The following USP9X variants were observed in gnomAD, a reference collection of about 807,000 sequenced individuals.
The protein encoded by USP9X is ubiquitin specific peptidase 9 X-linked.
A neutral mutation model predicts 190.3 loss-of-function variants in USP9X; 7 were observed. That is an observed-to-expected ratio of 0.04 (90% confidence interval 0.02 to 0.07). The LOEUF (loss-of-function observed/expected upper bound fraction) is 0.07, where lower values mean the gene tolerates loss of function less well. Among genes scored for constraint, USP9X ranks in the 10% least tolerant of loss-of-function variants. The pLI is 1.00. For missense variants in USP9X, 1,010 were observed against 1,916.9 expected (o/e 0.53, Z 8.83); for synonymous variants, 645 against 659.5 (o/e 0.98, Z 0.34).
At chrX:41,161,028 T>A (rs1601984004) in intron 14 of USP9X, among the ~76,000 whole-genome samples, 1 of 111,353 alleles carries the variant, frequency 9.0e-6, no homozygotes, top group East Asian at 2.8e-4. Flanking sequence ...CTAAGTAACC[T>A]ATAGTGCAGT....
Position 41,186,510 on chromosome X carries a change from T to A in USP9X, c.3559-7T>A. The A allele has an allele frequency of 8.3e-7, 1 of 1,210,895 alleles. No individual in the cohort carries two copies. The highest frequency in any genetic ancestry group is 1.1e-6 in the Non-Finnish European group (1 of 894,920). On this transcript the variant is annotated splice_polypyrimidine_tract_variant and splice_region_variant and intron_variant, in intron 23 of 44. Transcript: ENST00000378308. ...TTACTCCAAATAAAATGGTTAACTT[T>A]TTTCAGATCAACCAAGTTACCCATG... is the stretch of plus-strand genomic sequence containing the variant.
At chrX:41,110,083 G>T (rs57883720) in intron 1 of USP9X, among the ~76,000 whole-genome samples, 1 of 110,862 alleles carries the variant, frequency 9.0e-6, no homozygotes, top group African/African-American at 3.3e-5. Context: ...ACTCCTGCCT[G>T]TTTGAGAAGG....
At chrX:41,173,683 ATAGTTCAAACT>A (rs1351209300) in intron 21 of USP9X, among the ~76,000 whole-genome samples, 1 of 112,216 alleles carries the variant, frequency 8.9e-6, no homozygotes, top group African/African-American at 3.2e-5. Context: ...GCAAAAAGAT[ATAGTTCAAACT>A]CAGATATAGT....
chrX:41,180,110 C>A (rs1244098067), intron 21 of USP9X, among the ~76,000 whole-genome samples: 2 of 111,860 alleles, frequency 1.8e-5, no homozygotes, highest in African/African-American at 6.5e-5. Flanking sequence ...GCTTTTATTA[C>A]CTCCATTTTC....
intron 44 of USP9X, among the ~76,000 whole-genome samples, 198 bp downstream of exon 44, chrX:41,230,794 G>A (rs1041528889): frequency 9.0e-6 from 1 of 111,391 alleles, no homozygotes; most frequent in Non-Finnish European, 1.9e-5. Context: ...CCACTGTAGG[G>A]TTTTCCTTGT....
intron 1 of USP9X, among the ~76,000 whole-genome samples, chrX:41,112,362 A>G (rs1245267392): frequency 8.9e-6 from 1 of 112,203 alleles, no homozygotes; most frequent in Non-Finnish European, 1.9e-5. Context: ...GAGAACCTTC[A>G]TGGTATAGTT....
At chrX:41,149,986 A>T (rs911626105) in intron 12 of USP9X, among the ~76,000 whole-genome samples, 21 of 111,507 alleles carry the variant, frequency 1.9e-4, no homozygotes, top group Non-Finnish European at 3.0e-4. Flanking sequence ...GATTACAGGC[A>T]TGAGCCACAG....
In USP9X at chrX:41,189,333, T is replaced by A. The variant is rs746792967; in HGVS notation, c.3835T>A (p.Leu1279Met). ...GACCAATGCAGGCAATGAGCCAGACTTGGAAGACGAACAGGTTTGCTGTGA... is the reference window on the plus strand; with the variant it reads ...GACCAATGCAGGCAATGAGCCAGACATGGAAGACGAACAGGTTTGCTGTGA... ...EKTNAGNEPDLEDEQVCCEAL... is the reference protein window; with the variant it reads ...EKTNAGNEPDMEDEQVCCEAL... The change falls in exon 26 of 45, where the codon TTG becomes ATG. Residue 1279 changes from leucine (L) to methionine (M), a missense_variant. Leu to Met is a conservative substitution (Grantham distance 15, BLOSUM62 2). This residue lies in a region of USP9X where 351 missense variants were observed against 480.8 expected (regional missense o/e 0.73). Coordinates refer to ENST00000378308, the MANE Select transcript of USP9X (RefSeq NM_001039591.3). 1 of 1,210,892 alleles carries A rather than the reference T, an allele frequency of 8.3e-7. No individual in the cohort carries two copies. Among genetic ancestry groups the A allele is most frequent in the South Asian group, 1.8e-5 (1 of 56,762 alleles).
intron 1 of USP9X, among the ~76,000 whole-genome samples, chrX:41,114,859 C>T (rs759142283): frequency 1.8e-5 from 2 of 110,655 alleles, no homozygotes; most frequent in Non-Finnish European, 3.8e-5. Flanking sequence ...ATATGTTAGT[C>T]GCCTCTTTAT....
rs372888006 is a variant in USP9X, at chrX:41,229,791, C to T, written c.7431+12C>T. 25 of 1,210,541 alleles carry T rather than the reference C, an allele frequency of 2.1e-5. No homozygotes were observed. In the African/African-American group the frequency reaches 2.1e-4, roughly 10 times the overall value. ...TCTGTCCAGAGGAGGTAAAAAAAGCCACCAGTGTGCAGCAGATAGAAATGG... is the reference window on the plus strand; with the variant it reads ...TCTGTCCAGAGGAGGTAAAAAAAGCTACCAGTGTGCAGCAGATAGAAATGG... On this transcript the variant is annotated intron_variant, in intron 43 of 44. Coordinates refer to ENST00000378308, the MANE Select transcript of USP9X (RefSeq NM_001039591.3).
intron 12 of USP9X, 113 bp downstream of exon 12, chrX:41,148,688 G>A: frequency 4.0e-6 from 3 of 754,424 alleles, no homozygotes; most frequent in Non-Finnish European, 5.7e-6. Context: ...ATGATCTTCC[G>A]GAGTTGACTT....
intron 33 of USP9X, among the ~76,000 whole-genome samples, chrX:41,211,605 C>T (rs752104869): frequency 1.8e-5 from 2 of 112,525 alleles, no homozygotes; most frequent in Non-Finnish European, 3.8e-5. Context: ...CCGGCTGCCC[C>T]TACTGGGAAG....
At chrX:41,173,893 T>A (rs1426972866) in intron 21 of USP9X, among the ~76,000 whole-genome samples, 8 of 112,261 alleles carry the variant, frequency 7.1e-5, no homozygotes, top group Non-Finnish European at 1.9e-5. Flanking sequence ...CCTAATACAA[T>A]GTACAGTTAG....
At chrX:41,126,799 G>A (rs1360361110) in intron 2 of USP9X, among the ~76,000 whole-genome samples, 1 of 111,805 alleles carries the variant, frequency 8.9e-6, no homozygotes, top group African/African-American at 3.3e-5. Context: ...AGCAACCAAA[G>A]TGTTAATCAC....
At chrX:41,088,577 A>G (rs939110102) in intron 1 of USP9X, among the ~76,000 whole-genome samples, 8 of 112,219 alleles carry the variant, frequency 7.1e-5, no homozygotes, top group African/African-American at 2.6e-4. Flanking sequence ...TAGTTATTTG[A>G]AATATCTAGC....
intron 9 of USP9X, among the ~76,000 whole-genome samples, chrX:41,142,115 A>G (rs761580818): frequency 3.7e-4 from 41 of 110,967 alleles, no homozygotes; most frequent in African/African-American, 1.2e-3. Context: ...GTTAAAATGC[A>G]TGTGGAGACT....
Position 41,230,540 on chromosome X carries a change from C to T in USP9X, c.7471C>T (p.Pro2491Ser), listed in dbSNP as rs762244224. 1 of 1,211,041 alleles carries T rather than the reference C, an allele frequency of 8.3e-7. No individual in the cohort carries two copies. Among genetic ancestry groups the T allele is most frequent in the Non-Finnish European group, 1.1e-6 (1 of 895,204 alleles). Residue 2491 changes from proline (P) to serine (S), a missense_variant, in exon 44 of 45, where the codon CCT (proline) becomes TCT (serine). Pro to Ser is a moderately conservative substitution (Grantham distance 74). Around this residue, in one of 11 missense-constraint regions of USP9X, gnomAD observed 48 missense variants for 60.4 expected, o/e 0.79. Coordinates refer to ENST00000378308, the MANE Select transcript of USP9X (RefSeq NM_001039591.3). Reference protein sequence around the residue: ...DQDAPDEHESPPPEDAPLYPH... With the variant: ...DQDAPDEHESSPPEDAPLYPH... Reference sequence around the variant, plus strand: ...AGATGCTCCAGATGAACATGAGTCGCCTCCACCTGAAGATGCCCCATTGTA... The same window carrying T: ...AGATGCTCCAGATGAACATGAGTCGTCTCCACCTGAAGATGCCCCATTGTA...
At chrX:41,202,436 T>A (rs1161913114) in intron 31 of USP9X, among the ~76,000 whole-genome samples, 1 of 112,503 alleles carries the variant, frequency 8.9e-6, no homozygotes, top group East Asian at 2.8e-4. Context: ...TCCTTGGTTT[T>A]ACTTTTCCTG....
rs148049415 is a variant in USP9X, at chrX:41,165,852, A to G, written c.1986-20A>G. 600 of 1,193,487 alleles carry G rather than the reference A, an allele frequency of 5.0e-4. 1 individual carries two copies. The African/African-American group carries it at 8.1e-3, about 16-fold the overall frequency. On this transcript the variant is annotated intron_variant, in intron 15 of 44. Transcript: ENST00000378308. ...AAAAATTACATAAATCTAATTGCCA[A>G]TTTTCAATGTTTTTTCAAGATTTTT...
Sources: allele counts gnomAD v4.1 joint callset (sites outside exome capture counted in the v4.1 genomes callset), GRCh38; gene constraint gnomAD v4.1.1; regional missense constraint gnomAD v4.1.1; transcripts MANE v1.5; gene names NCBI Gene and HGNC (gene_info 2026-07-23, HGNC 2026-07-21).